RSRC1: variants seen among roughly 807,000 people sequenced by gnomAD.
The protein encoded by RSRC1 is serine/Arginine-related protein 53.
A neutral mutation model predicts 49.1 loss-of-function variants in RSRC1; 39 were observed. The ratio of observed to expected loss-of-function variants is 0.79; its 90% CI spans 0.61 to 1.04. The LOEUF (loss-of-function observed/expected upper bound fraction) is 1.04, where lower values mean the gene tolerates loss of function less well. Ranked by LOEUF, RSRC1 falls within the 50% of genes least tolerant of loss-of-function variation. RSRC1 has a pLI of 0.00. For synonymous variants in RSRC1, 143 were observed against 130.8 expected (o/e 1.09, Z -0.63); for missense variants, 388 against 402.4 (o/e 0.96, Z 0.31).
chr3:158,145,632 T>A (rs1436805177), intron 3 of RSRC1, among the ~76,000 whole-genome samples: 1 of 152,192 alleles, frequency 6.6e-6, no homozygotes, highest in East Asian at 1.9e-4. Flanking sequence ...TTTGGTTCCA[T>A]ATGAACTTTA....
intron 5 of RSRC1, among the ~76,000 whole-genome samples, chr3:158,334,304 C>T (rs572289023): frequency 1.3e-5 from 2 of 152,042 alleles, no homozygotes; most frequent in East Asian, 3.9e-4. Flanking sequence ...TTATTTTAAC[C>T]TCTGTGTCAT....
chr3:158,187,237 T>C (rs764278863), intron 3 of RSRC1, among the ~76,000 whole-genome samples: 7 of 151,984 alleles, frequency 4.6e-5, no homozygotes, highest in Non-Finnish European at 8.8e-5. Flanking sequence ...AACTGGAGAA[T>C]TGAGTGAGAT....
chr3:158,285,902 T>G (rs1726518949), intron 4 of RSRC1, among the ~76,000 whole-genome samples: 1 of 152,222 alleles, frequency 6.6e-6, no homozygotes, highest in African/African-American at 2.4e-5. Context: ...CCTGCCTAAT[T>G]GCCCTGGCCA....
At chr3:158,363,774 A>G (rs1474115203) in intron 6 of RSRC1, among the ~76,000 whole-genome samples, 2 of 152,236 alleles carry the variant, frequency 1.3e-5, no homozygotes, top group African/African-American at 2.4e-5. Flanking sequence ...TCATTTAGGA[A>G]CAATAAGTTA....
At chr3:158,150,973 T>C (rs1378861961) in intron 3 of RSRC1, among the ~76,000 whole-genome samples, 2 of 152,242 alleles carry the variant, frequency 1.3e-5, no homozygotes, top group African/African-American at 2.4e-5. Flanking sequence ...AGGTTATTTA[T>C]GTACATCTCT....
chr3:158,434,767 T>G (rs1365832447), intron 6 of RSRC1, among the ~76,000 whole-genome samples: 1 of 152,006 alleles, frequency 6.6e-6, no homozygotes, highest in Non-Finnish European at 1.5e-5. Context: ...TTTTGGTAAA[T>G]TTTTGAAGAC....
chr3:158,272,292 G>A (rs1457021698), intron 4 of RSRC1, among the ~76,000 whole-genome samples: 1 of 152,080 alleles, frequency 6.6e-6, no homozygotes, highest in East Asian at 1.9e-4. Context: ...ATTGAAGGCA[G>A]GATTGAAAGT....
intron 5 of RSRC1, among the ~76,000 whole-genome samples, chr3:158,321,354 CT>C (rs1292870970): frequency 2.6e-5 from 4 of 151,184 alleles, no homozygotes; most frequent in Non-Finnish European, 5.9e-5. Flanking sequence ...TCTCTCTTAT[CT>C]TTTTTCTCTT....
At chr3:158,276,134 G>T in intron 4 of RSRC1, 1 of 925,720 alleles carries the variant, frequency 1.1e-6, no homozygotes, top group Non-Finnish European at 1.8e-6. Context: ...GACTGAAGCT[G>T]TGAGCAAACT....
intron 1 of RSRC1, among the ~76,000 whole-genome samples, chr3:158,119,832 C>CTTTTT (rs35646318): frequency 3.9e-5 from 5 of 129,076 alleles, no homozygotes; most frequent in African/African-American, 5.9e-5. Context: ...ATTTCATAGT[C>CTTTTT]TTTTTTTTTT....
intron 6 of RSRC1, among the ~76,000 whole-genome samples, chr3:158,460,129 A>G (rs552631659): frequency 1.3e-5 from 2 of 151,942 alleles, no homozygotes; most frequent in Non-Finnish European, 2.9e-5. Flanking sequence ...ACAAGGCAAT[A>G]CTTTTTTAAC....
intron 3 of RSRC1, among the ~76,000 whole-genome samples, chr3:158,145,949 A>G (rs1370495670): frequency 6.6e-6 from 1 of 152,094 alleles, no homozygotes; most frequent in Non-Finnish European, 1.5e-5. Flanking sequence ...TTGGTGTATA[A>G]GAATGCTTGT....
chr3:158,387,421 T>G (rs1733025665), intron 6 of RSRC1, among the ~76,000 whole-genome samples: 1 of 152,090 alleles, frequency 6.6e-6, no homozygotes, highest in Non-Finnish European at 1.5e-5. Context: ...AGAAACAGCC[T>G]ATCAGTCAAA....
intron 6 of RSRC1, among the ~76,000 whole-genome samples, chr3:158,439,613 A>G (rs1015658946): frequency 5.3e-5 from 8 of 152,126 alleles, no homozygotes; most frequent in African/African-American, 1.2e-4. Flanking sequence ...GAGTTGAACA[A>G]TGAGAACACA....
At chr3:158,501,903 CTG>C (rs1739619239) in intron 7 of RSRC1, among the ~76,000 whole-genome samples, 1 of 151,950 alleles carries the variant, frequency 6.6e-6, no homozygotes, top group Non-Finnish European at 1.5e-5. Flanking sequence ...TATTTGCTGC[CTG>C]TGTATTTTGT....
At chr3:158,258,590 A>G (rs1724708279) in intron 4 of RSRC1, among the ~76,000 whole-genome samples, 2 of 152,000 alleles carry the variant, frequency 1.3e-5, no homozygotes, top group South Asian at 4.1e-4. Flanking sequence ...GTCTTTCTCT[A>G]GGTTTGGGAA....
intron 4 of RSRC1, among the ~76,000 whole-genome samples, chr3:158,279,993 T>C (rs536856811): frequency 1.3e-5 from 2 of 152,310 alleles, no homozygotes; most frequent in Non-Finnish European, 2.9e-5. Context: ...GTAGAGGTAG[T>C]ATGCAGGCAC....
intron 3 of RSRC1, among the ~76,000 whole-genome samples, chr3:158,200,020 A>G (rs964033144): frequency 6.6e-6 from 1 of 151,966 alleles, no homozygotes; most frequent in Admixed American, 6.6e-5. Flanking sequence ...TGCTGTTTAT[A>G]TGATGTATAT....
intron 3 of RSRC1, among the ~76,000 whole-genome samples, chr3:158,162,188 G>A (rs1718269382): frequency 6.6e-6 from 1 of 152,008 alleles, no homozygotes; most frequent in Admixed American, 6.6e-5. Context: ...TGTTTTGGGT[G>A]GCTTCTCAAA....
Sources: gnomAD v4.1 joint callset for allele counts (sites outside exome capture counted in the v4.1 genomes callset) on GRCh38, gnomAD v4.1.1 for gene constraint, MANE v1.5 for transcripts, NCBI Gene and HGNC (gene_info 2026-07-23, HGNC 2026-07-21) for gene names.